The following SZT2 variants were observed in gnomAD, a reference collection of about 807,000 sequenced individuals.
SZT2 encodes KICSTOR complex protein SZT2.
In SZT2, 216 loss-of-function variants were observed where a neutral mutation model predicts 404.2. The ratio of observed to expected loss-of-function variants is 0.53; its 90% CI spans 0.48 to 0.60. SZT2 has a LOEUF of 0.60. Among genes scored for constraint, SZT2 ranks in the 20% least tolerant of loss-of-function variants. The probability of loss-of-function intolerance (pLI) is 0.00; values close to 1 mark genes in which losing one functional copy is unlikely to be tolerated. For synonymous variants in SZT2, 1,693 were observed against 1,749.9 expected, an observed-to-expected ratio of 0.97 and a Z score of 0.81; for missense variants, 3,857 against 4,459.2, an observed-to-expected ratio of 0.86 and a Z score of 3.85.
At chr1:43,409,564 AG>A (rs1650758997) in intron 4 of SZT2, 5 of 276,578 alleles carry the variant, frequency 1.8e-5, no homozygotes, top group Non-Finnish European at 2.9e-5. Context: ...AAACAAATTC[AG>A]TAAAGTTGCA....
At chr1:43,414,240 T>C (rs1651425866) in intron 4 of SZT2, among the ~76,000 whole-genome samples, 1 of 151,790 alleles carries the variant, frequency 6.6e-6, no homozygotes, top group South Asian at 2.1e-4. Context: ...AGATCGCACC[T>C]GCACTCTAGC....
intron 41 of SZT2, 44 bp from the exon 42 acceptor site, chr1:43,435,156 G>C (rs772449346): frequency 6.2e-7 from 1 of 1,605,894 alleles, no homozygotes; most frequent in South Asian, 1.1e-5. Flanking sequence ...CACCCACTTA[G>C]GAGGAGGTAT....
chr1:43,428,672 C>G, intron 28 of SZT2, 186 bp downstream of exon 28: 1 of 743,248 alleles, frequency 1.3e-6, no homozygotes, highest in Non-Finnish European at 2.1e-6. Context: ...AGGCAGCAGT[C>G]TCCCTCCCAG....
chr1:43,405,602 T>G (rs17573239), intron 4 of SZT2: 45,967 of 152,134 alleles, frequency 0.3, 8,367 homozygotes, highest in Non-Finnish European at 0.41. Context: ...GATAAGATAT[T>G]GGGAACATGA....
At chr1:43,445,453 G>GT in intron 62 of SZT2, 2 of 260,774 alleles carry the variant, frequency 7.7e-6, no homozygotes, top group Non-Finnish European at 1.5e-5. Context: ...GCACTAAACT[G>GT]TAACGAGCAG....
At position 43,403,706 on chromosome 1, in the gene SZT2, G is replaced by C. The variant is rs1193615889; in HGVS notation, c.259G>C (p.Val87Leu). Reference sequence around the variant, plus strand: ...ATTCCTCCTGGTACCTTCCACCCGGGTCACCTTCCTGGCTTGGCAGTATCG... The same window carrying C: ...ATTCCTCCTGGTACCTTCCACCCGGCTCACCTTCCTGGCTTGGCAGTATCG... ...RPFLLVPSTR[V>L]TFLAWQYRFV... Residue 87 changes from valine (V) to leucine (L), a missense_variant, in exon 3 of 72, where the codon GTC becomes CTC. Val to Leu is a conservative substitution (Grantham distance 32). Transcript: ENST00000634258. 2 of 1,614,138 alleles carry C rather than the reference G, an allele frequency of 1.2e-6. No individual in the cohort carries two copies. Among genetic ancestry groups the C allele is most frequent in the South Asian group, 1.1e-5 (1 of 91,080 alleles).
Position 43,424,493 on chromosome 1 carries a change from C to A in SZT2, c.2471+61C>A. 2 of 1,531,920 alleles carry A rather than the reference C, an allele frequency of 1.3e-6. No homozygotes were observed. Among genetic ancestry groups the A allele is most frequent in the Admixed American group, 1.7e-5 (1 of 58,066 alleles). The allele number at this position is 1,531,920 out of a possible 1,614,324, so 94.9% of individuals were successfully genotyped here. On this transcript the variant is annotated intron_variant, in intron 16 of 71. Coordinates refer to ENST00000634258, the MANE Select transcript of SZT2 (RefSeq NM_001365999.1). This position sits in a 1 kb window ranked among gnomAD's most constrained non-coding sequence, Gnocchi z 4.1. ...AGGAGAGAGCAAGTGTAGACTGGGA[C>A]ACTAGCAAAAAGCCTATAGCACACA... is the stretch of plus-strand genomic sequence containing the variant.
rs1263636051 is a variant in SZT2, at chr1:43,443,489, T to C, written c.8625+12T>C. ...CCCCTGACGGGCAGGTAAGGCTGACTCCCAGACTTCTAGCAGACCTTTGCT... is the reference window on the plus strand; with the variant it reads ...CCCCTGACGGGCAGGTAAGGCTGACCCCCAGACTTCTAGCAGACCTTTGCT... On this transcript the variant is annotated intron_variant, in intron 61 of 71. Coordinates refer to ENST00000634258, the MANE Select transcript of SZT2 (RefSeq NM_001365999.1). 3 of 1,614,038 alleles carry C rather than the reference T, an allele frequency of 1.9e-6. No homozygotes were observed. Among genetic ancestry groups the C allele is most frequent in the Non-Finnish European group, 2.5e-6 (3 of 1,179,968 alleles).
rs541058679 is a variant in SZT2 at position 43,409,031 on chromosome 1, G to T, written c.498+4481G>T. Among the ~76,000 whole-genome samples, 22 of 152,308 alleles carry T rather than the reference G, an allele frequency of 1.4e-4. No individual in the cohort carries two copies. In the South Asian group the frequency reaches 4.6e-3, roughly 32 times the overall value. On this transcript the variant is annotated intron_variant, in intron 4 of 71. Coordinates refer to ENST00000634258, the MANE Select transcript of SZT2 (RefSeq NM_001365999.1). ...GGTCTATATACAATTTTAGGATGGG[G>T]ATACTTATTTATGTTTGAAGTAGAA...
Position 43,447,596 on chromosome 1 carries a change from A to C in SZT2, c.9338A>C (p.Tyr3113Ser). ...ATTGCTGCCCACCAGCTATACAACT[A>C]CGTGGCTGATCACGCCAGCTCTTAC... ...PLIAAHQLYN[Y>S]VADHASSYHM... Residue 3113 changes from tyrosine to serine, a missense_variant, in exon 67 of 72, where the codon TAC becomes TCC. This residue lies in a region of SZT2 where 717 missense variants were observed against 868.2 expected (regional missense o/e 0.83). Coordinates refer to ENST00000634258, the MANE Select transcript of SZT2 (RefSeq NM_001365999.1). The C allele has an allele frequency of 6.2e-7, 1 of 1,614,098 alleles. No homozygotes were observed. The highest frequency in any genetic ancestry group is 8.5e-7 in the Non-Finnish European group (1 of 1,180,022).
chr1:43,392,108 A>AAAAAAAAAAAAAAAC (rs1648440643), intron 1 of SZT2, among the ~76,000 whole-genome samples: 1 of 17,202 alleles, frequency 5.8e-5, no homozygotes, highest in Non-Finnish European at 1.3e-4. Context: ...AAAAAAAAAA[A>AAAAAAAAAAAAAAAC]AAAAAAAAAA....
chr1:43,452,410 TC>T lies in SZT2; in HGVS notation c.*1934del. ...CTGACTGTGCCAGCCCTCGTCCGTC[TC>T]CCCAGGTCTCCAGTCCATGGCACCT... On this transcript the variant is annotated 3_prime_UTR_variant, in exon 72 of 72. Coordinates refer to ENST00000634258, the MANE Select transcript of SZT2 (RefSeq NM_001365999.1). 1.0e-6 allele frequency: 1 copy of T among 992,934 alleles called. No homozygotes were observed. The highest frequency in any genetic ancestry group is 1.6e-6 in the Non-Finnish European group (1 of 637,006). The allele number at this position is 992,934 out of a possible 1,614,324, so 61.5% of individuals were successfully genotyped here. A position where few individuals can be genotyped will look rare whatever the true frequency, so the allele number is the denominator to read the frequency against.
In SZT2 at chr1:43,437,490, A is replaced by G. The variant is rs776213552; in HGVS notation, c.6272A>G (p.Lys2091Arg). 6.2e-7 allele frequency: 1 copy of G among 1,614,126 alleles called. No homozygotes were observed. The highest frequency in any genetic ancestry group is 8.5e-7 in the Non-Finnish European group (1 of 1,180,024). ...TTTGTTTACCAGGAGCGAGCAACAA[A>G]GGCTGTGTACTATCTTCGGTATGTG... Reference protein sequence around the residue: ...NMFVYQERATKAVYYLRLLET... With the variant: ...NMFVYQERATRAVYYLRLLET... The change falls in exon 44 of 72, where the codon AAG (lysine) becomes AGG (arginine). Residue 2091 changes from lysine (K) to arginine (R), a missense_variant. Around this residue, in one of 7 missense-constraint regions of SZT2, gnomAD observed 261 missense variants for 372.9 expected, o/e 0.70. Transcript: ENST00000634258. The surrounding 1 kb of genome is among the most constrained non-coding windows in gnomAD (Gnocchi z 5.3).
rs58350196 is a variant in SZT2 at position 43,452,790 on chromosome 1, A to T, written c.*2310A>T. 3.2e-5 allele frequency: 36 copies of T among 1,140,660 alleles called. No homozygotes were observed. Among genetic ancestry groups the T allele is most frequent in the Non-Finnish European group, 4.4e-5 (35 of 787,660 alleles). 70.7% of individuals were successfully genotyped at this position (1,140,660 alleles called of 1,614,324 possible). ...CTGTTTGGCCTCTGCAGGATTTGAC[A>T]TTTGAATCAGCCCCACTTTGAGCCG... On this transcript the variant is annotated 3_prime_UTR_variant, in exon 72 of 72. Transcript: ENST00000634258.
Position 43,425,375 on chromosome 1 carries a change from A to G in SZT2, c.2646-99A>G, listed in dbSNP as rs576865451. ...AGACGCTGGTCTGGGAAGGCCTTGT[A>G]TGACTCGTGGCTGTCCTCTGTGCCT... On this transcript the variant is annotated intron_variant, in intron 18 of 71. Coordinates refer to ENST00000634258, the MANE Select transcript of SZT2 (RefSeq NM_001365999.1). The surrounding 1 kb of genome is among the most constrained non-coding windows in gnomAD (Gnocchi z 4.3). 4.5e-6 allele frequency: 7 copies of G among 1,557,168 alleles called. No homozygotes were observed. The African/African-American group carries it at 5.4e-5, about 12-fold the overall frequency.
chr1:43,453,209 A>G lies in SZT2; in HGVS notation c.*2729A>G, dbSNP rs115834564. 3.1e-6 allele frequency: 2 copies of G among 640,360 alleles called. No homozygotes were observed. The highest frequency in any genetic ancestry group is 5.5e-6 in the Non-Finnish European group (2 of 362,742). 39.7% of individuals were successfully genotyped at this position (640,360 alleles called of 1,614,324 possible). On this transcript the variant is annotated 3_prime_UTR_variant, in exon 72 of 72. Transcript: ENST00000634258. ...GGGTGAGCATGAAAGAGTGGCAAAC[A>G]GAGTGGCATAAGACAGATAAAATAC...
rs558634467 is a variant in SZT2 at position 43,448,315 on chromosome 1, G to A, written c.9800G>A (p.Arg3267Gln). ...MARARLAQLV[R>Q]LAGGHCRRDT... Reference sequence around the variant, plus strand: ...CGAGCACGGCTGGCTCAGCTGGTGCGGCTGGCTGGAGGGCACTGCCGTCGG... The same window carrying A: ...CGAGCACGGCTGGCTCAGCTGGTGCAGCTGGCTGGAGGGCACTGCCGTCGG... Residue 3267 changes from arginine to glutamine, a missense_variant, in exon 69 of 72, where the codon CGG (arginine) becomes CAG (glutamine). Physicochemically the swap from Arg to Gln is conservative, Grantham distance 43 (BLOSUM62 1). This residue lies in a region of SZT2 where 717 missense variants were observed against 868.2 expected (regional missense o/e 0.83). Coordinates refer to ENST00000634258, the MANE Select transcript of SZT2 (RefSeq NM_001365999.1). This position sits in a 1 kb window ranked among gnomAD's most constrained non-coding sequence, Gnocchi z 4.2. The A allele has an allele frequency of 7.1e-6, 11 of 1,553,496 alleles. No homozygotes were observed. Among genetic ancestry groups the A allele is most frequent in the East Asian group, 2.4e-5 (1 of 40,988 alleles).
In SZT2 at chr1:43,416,594, C is replaced by T. The variant is rs768700110; in HGVS notation, c.832C>T (p.Leu278=). The change falls in exon 7 of 72, where the codon CTG becomes TTG. Residue 278 remains leucine, a synonymous_variant. Coordinates refer to ENST00000634258, the MANE Select transcript of SZT2 (RefSeq NM_001365999.1). ...SVPDVAVCET[L]LNQLRSGTVA... The stretch of plus-strand genomic sequence containing the variant: ...ACCTGATGTTGCTGTCTGTGAGACA[C>T]TGCTGAACCAGCTTCGCAGTGGCAC... 2.8e-5 allele frequency: 44 copies of T among 1,598,290 alleles called. No individual in the cohort carries two copies. The highest frequency in any genetic ancestry group is 3.7e-5 in the Non-Finnish European group (44 of 1,179,806).
At chr1:43,410,896 A>G (rs1257534675) in intron 4 of SZT2, among the ~76,000 whole-genome samples, 6 of 146,572 alleles carry the variant, frequency 4.1e-5, no homozygotes, top group African/African-American at 7.7e-5. Flanking sequence ...GAGGTGGGGT[A>G]TATTGGGGGT....
Sources: allele counts gnomAD v4.1 joint callset (sites outside exome capture counted in the v4.1 genomes callset), GRCh38; gene constraint gnomAD v4.1.1; regional missense constraint gnomAD v4.1.1; non-coding constraint Gnocchi (gnomAD v3.1); transcripts MANE v1.5; gene names NCBI Gene and HGNC (gene_info 2026-07-23, HGNC 2026-07-21).